The following COL4A2 variants were observed in gnomAD, a reference collection of about 807,000 sequenced individuals.
COL4A2 encodes the protein collagen alpha-2(IV) chain.
Under a neutral mutation model 200.2 loss-of-function variants are expected in COL4A2, and 99 were observed. The ratio of observed to expected loss-of-function variants is 0.49; its 90% CI spans 0.42 to 0.58. The LOEUF (loss-of-function observed/expected upper bound fraction) is 0.58. Among genes scored for constraint, COL4A2 ranks in the 20% least tolerant of loss-of-function variants. The probability of loss-of-function intolerance (pLI) is 0.00; values close to 1 mark genes in which losing one functional copy is unlikely to be tolerated. For missense variants in COL4A2, 1,950 were observed against 2,314.1 expected, an observed-to-expected ratio of 0.84 and a Z score of 3.23; for synonymous variants, 897 against 900.6, an observed-to-expected ratio of 1.00 and a Z score of 0.07.
Position 110,430,611 on chromosome 13 carries a change from A to T in COL4A2, c.648+4A>T. 1 of 1,614,168 alleles carries T rather than the reference A, an allele frequency of 6.2e-7. No individual in the cohort carries two copies. The highest frequency in any genetic ancestry group is 8.5e-7 in the Non-Finnish European group (1 of 1,180,004). On this transcript the variant is annotated splice_donor_region_variant and intron_variant, in intron 10 of 47. Coordinates refer to ENST00000360467, the MANE Select transcript of COL4A2 (RefSeq NM_001846.4). Reference sequence around the variant, plus strand: ...AGTTGGAGCTCCAGGGAGACCAGTAAGTACCTGGACACAGGTGCCCACTCT... The same window carrying T: ...AGTTGGAGCTCCAGGGAGACCAGTATGTACCTGGACACAGGTGCCCACTCT...
chr13:110,378,749 C>G (rs184338238), intron 4 of COL4A2, among the ~76,000 whole-genome samples: 1 of 152,212 alleles, frequency 6.6e-6, no homozygotes, highest in Non-Finnish European at 1.5e-5. Context: ...TTGAACGATA[C>G]TTAGGAAGCA....
At chr13:110,471,533 T>A (rs1462699608) in intron 28 of COL4A2, among the ~76,000 whole-genome samples, 2 of 152,214 alleles carry the variant, frequency 1.3e-5, no homozygotes, top group African/African-American at 4.8e-5. Context: ...GACCCACACA[T>A]GCAAACCCAA....
At chr13:110,447,329 T>C (rs1881367466) in intron 18 of COL4A2, among the ~76,000 whole-genome samples, 1 of 152,242 alleles carries the variant, frequency 6.6e-6, no homozygotes, top group Non-Finnish European at 1.5e-5. Context: ...AACAGTCACA[T>C]GCTTTCAGGC....
intron 3 of COL4A2, among the ~76,000 whole-genome samples, chr13:110,321,784 G>A (rs543367633): frequency 2.6e-5 from 4 of 152,310 alleles, no homozygotes; most frequent in Admixed American, 6.5e-5. Flanking sequence ...ATGGATGGCA[G>A]CAGGCAAAGA....
At chr13:110,425,351 A>G (rs1880433111) in intron 6 of COL4A2, among the ~76,000 whole-genome samples, 1 of 152,238 alleles carries the variant, frequency 6.6e-6, no homozygotes, top group Non-Finnish European at 1.5e-5. Flanking sequence ...AGCCAAGAGC[A>G]TGGGCAGAAT....
intron 4 of COL4A2, among the ~76,000 whole-genome samples, chr13:110,412,813 G>A (rs1879895350): frequency 1.3e-5 from 2 of 152,202 alleles, no homozygotes; most frequent in African/African-American, 4.8e-5. Context: ...CCAGCAGATG[G>A]TCTGATGTAT....
intron 32 of COL4A2, among the ~76,000 whole-genome samples, chr13:110,483,200 G>C (rs1882995035): frequency 6.6e-6 from 1 of 152,170 alleles, no homozygotes; most frequent in South Asian, 2.1e-4. Flanking sequence ...CATGACTTCT[G>C]TTCAGATGCT....
At chr13:110,397,018 A>G (rs1879203802) in intron 4 of COL4A2, among the ~76,000 whole-genome samples, 1 of 152,140 alleles carries the variant, frequency 6.6e-6, no homozygotes, top group Non-Finnish European at 1.5e-5. Context: ...CACGGACATG[A>G]CTAATAGGAG....
At chr13:110,352,511 C>T (rs147171723) in intron 3 of COL4A2, among the ~76,000 whole-genome samples, 1 of 152,340 alleles carries the variant, frequency 6.6e-6, no homozygotes, top group Non-Finnish European at 1.5e-5. Context: ...GAGCCCAGCA[C>T]AGTGCATGGC....
At chr13:110,492,036 G>T (rs1246461431) in intron 37 of COL4A2, 34 bp from the exon 38 acceptor site, 1 of 1,536,718 alleles carries the variant, frequency 6.5e-7, no homozygotes, top group South Asian at 1.2e-5. Context: ...AAGGTGTCCT[G>T]TGTGCTCAGA....
chr13:110,503,939 G>T lies in COL4A2; in HGVS notation c.4231G>T (p.Gly1411Cys). ...GACAGTGGGTCCCCAGGGGAGGCGA[G>T]GCCCCCCTGGGGCACCGGGGGAGAT... ...PGTVGPQGRRGPPGAPGEMGP... is the reference protein window; with the variant it reads ...PGTVGPQGRRCPPGAPGEMGP... The change falls in exon 44 of 48, where the codon GGC becomes TGC. Residue 1411 changes from glycine to cysteine, a missense_variant. Physicochemically the swap from Gly to Cys is radical, Grantham distance 159. Around this residue, in one of 2 missense-constraint regions of COL4A2, gnomAD observed 1,385 missense variants for 1,720.5 expected, o/e 0.80. Coordinates refer to ENST00000360467, the MANE Select transcript of COL4A2 (RefSeq NM_001846.4). 6.3e-7 allele frequency: 1 copy of T among 1,583,722 alleles called. No individual in the cohort carries two copies. The highest frequency in any genetic ancestry group is 8.6e-7 in the Non-Finnish European group (1 of 1,160,896).
intron 4 of COL4A2, among the ~76,000 whole-genome samples, chr13:110,421,335 C>CA (rs1170821933): frequency 1.3e-5 from 2 of 152,128 alleles, no homozygotes; most frequent in African/African-American, 4.8e-5. Flanking sequence ...CCACAGTAGC[C>CA]AAAAGGTAGA....
At chr13:110,396,240 A>G (rs1879175748) in intron 4 of COL4A2, among the ~76,000 whole-genome samples, 1 of 152,172 alleles carries the variant, frequency 6.6e-6, no homozygotes, top group Non-Finnish European at 1.5e-5. Flanking sequence ...GCCTTCCATT[A>G]TTCTTTTAAA....
At position 110,485,671 on chromosome 13, in the gene COL4A2, A is replaced by C. The variant is rs200384476; in HGVS notation, c.3042A>C (p.Pro1014=). ...YLGAKGIQGM[P]GIPGLSGIPG... ...TTCCTGCAGGTATCCAAGGAATGCC[A>C]GGCATCCCAGGGCTGTCAGGAATCC... Residue 1014 remains proline (P), a synonymous_variant, in exon 34 of 48, where the codon CCA becomes CCC. Transcript: ENST00000360467. 5.8e-4 allele frequency: 926 copies of C among 1,601,938 alleles called. 2 individuals carry two copies. Among genetic ancestry groups the C allele is most frequent in the Non-Finnish European group, 6.0e-5 (70 of 1,174,934 alleles).
intron 20 of COL4A2, among the ~76,000 whole-genome samples, chr13:110,453,250 C>T (rs1881610120): frequency 6.6e-6 from 1 of 152,188 alleles, no homozygotes; most frequent in East Asian, 1.9e-4. Flanking sequence ...CCTGTAATCC[C>T]AGCGCTTTGG....
chr13:110,508,334 C>CT lies in COL4A2; in HGVS notation c.4881+113_4881+114insT. ...ACGGCAGTCCAGGGTGTGCACTGCA[C>CT]AAGGGTAGTTGGCCCAGGAAGCGAG... On this transcript the variant is annotated intron_variant, in intron 47 of 47. Transcript: ENST00000360467. This position sits in a 1 kb window ranked among gnomAD's most constrained non-coding sequence, Gnocchi z 6.1. 6.6e-7 allele frequency: 1 copy of CT among 1,504,976 alleles called. No individual in the cohort carries two copies. The allele number at this position is 1,504,976 out of a possible 1,614,324, so 93.2% of individuals were successfully genotyped here.
chr13:110,481,593 T>A (rs1882919303), intron 31 of COL4A2, among the ~76,000 whole-genome samples: 1 of 24,116 alleles, frequency 4.1e-5, no homozygotes, highest in Non-Finnish European at 1.1e-4. Context: ...TGTCCCTCCG[T>A]TGCTGGAGAC....
intron 28 of COL4A2, among the ~76,000 whole-genome samples, chr13:110,471,340 G>A (rs185916846): frequency 2.6e-5 from 4 of 152,310 alleles, no homozygotes; most frequent in African/African-American, 4.8e-5. Context: ...GAGCCCTTAC[G>A]TCATGAACAG....
chr13:110,451,848 C>A (rs539063594), intron 20 of COL4A2, among the ~76,000 whole-genome samples: 42 of 152,336 alleles, frequency 2.8e-4, no homozygotes, highest in African/African-American at 1.0e-3. Context: ...AAATTGGACA[C>A]TCCTGCTTTC....
Sources: allele counts gnomAD v4.1 joint callset (sites outside exome capture counted in the v4.1 genomes callset), GRCh38; gene constraint gnomAD v4.1.1; regional missense constraint gnomAD v4.1.1; non-coding constraint Gnocchi (gnomAD v3.1); transcripts MANE v1.5; gene names NCBI Gene and HGNC (gene_info 2026-07-23, HGNC 2026-07-21).